Variants in CSNK1G1 observed in about 807,000 individuals in gnomAD.
CSNK1G1 encodes casein kinase 1 gamma 1.
In CSNK1G1, 22 loss-of-function variants were observed where a neutral mutation model predicts 59.6. That is an observed-to-expected ratio of 0.37 (90% CI 0.26 to 0.53). The LOEUF is 0.53. Among genes scored for constraint, CSNK1G1 ranks in the 20% least tolerant of loss-of-function variants. The probability of loss-of-function intolerance (pLI) is 0.89; values close to 1 mark genes in which losing one functional copy is unlikely to be tolerated. For missense variants in CSNK1G1, 384 were observed against 519.5 expected, an observed-to-expected ratio of 0.74 and a Z score of 2.54; for synonymous variants, 179 against 177.1, an observed-to-expected ratio of 1.01 and a Z score of -0.08.
intron 1 of CSNK1G1, among the ~76,000 whole-genome samples, chr15:64,339,441 T>C (rs899572990): frequency 2.0e-5 from 3 of 152,152 alleles, no homozygotes; most frequent in Non-Finnish European, 2.9e-5. Flanking sequence ...GCCTCCCAAG[T>C]AGCTGGGATT....
In CSNK1G1 at chr15:64,250,623, C is replaced by T. The variant is rs553051808; in HGVS notation, c.292+889G>A. 3.3e-5 allele frequency among the ~76,000 whole-genome samples: 5 copies of T among 152,136 alleles called. No individual in the cohort carries two copies. The South Asian group carries it at 6.2e-4, about 19-fold the overall frequency. Reference sequence around the variant, plus strand: ...AGCCTGGTGTGGTGGTGCATGCCTACAGTACCAGCTACTCAGGAGGCTGAG... The same window carrying T: ...AGCCTGGTGTGGTGGTGCATGCCTATAGTACCAGCTACTCAGGAGGCTGAG... On this transcript the variant is annotated intron_variant, in intron 4 of 11. Coordinates refer to ENST00000303052, the MANE Select transcript of CSNK1G1 (RefSeq NM_022048.5).
intron 10 of CSNK1G1, among the ~76,000 whole-genome samples, chr15:64,198,110 T>G (rs975503795): frequency 6.6e-6 from 1 of 152,066 alleles, no homozygotes; most frequent in Non-Finnish European, 1.5e-5. Context: ...CTGCCTTGTG[T>G]TATAGTTATC....
At chr15:64,338,426 G>A (rs778108234) in intron 1 of CSNK1G1, among the ~76,000 whole-genome samples, 6 of 152,108 alleles carry the variant, frequency 3.9e-5, no homozygotes, top group African/African-American at 1.2e-4. Context: ...TGAGCCCGGC[G>A]CGGTGGCTCA....
At chr15:64,349,125 G>A (rs887604131) in intron 1 of CSNK1G1, among the ~76,000 whole-genome samples, 10 of 135,792 alleles carry the variant, frequency 7.4e-5, no homozygotes, top group East Asian at 4.2e-4. Flanking sequence ...CAACGAGAGC[G>A]AAACTCCACC....
intron 2 of CSNK1G1, among the ~76,000 whole-genome samples, chr15:64,269,666 G>C (rs535668793): frequency 9.9e-5 from 15 of 151,828 alleles, no homozygotes; most frequent in Non-Finnish European, 1.3e-4. Context: ...GCTAATTTTT[G>C]TATTTTTAGC....
At chr15:64,256,748 TAGAAATCTA>T (rs930881878) in intron 3 of CSNK1G1, among the ~76,000 whole-genome samples, 6 of 152,144 alleles carry the variant, frequency 3.9e-5, no homozygotes, top group African/African-American at 7.2e-5. Context: ...TAAAGGTTTT[TAGAAATCTA>T]AGAAATCTAA....
intron 2 of CSNK1G1, among the ~76,000 whole-genome samples, chr15:64,284,515 T>G (rs892799551): frequency 2.0e-4 from 30 of 152,290 alleles, no homozygotes; most frequent in Middle Eastern, 3.4e-3. Context: ...GTTTTCAGAG[T>G]ATAAATTTTG....
chr15:64,319,683 T>G (rs545632020), intron 1 of CSNK1G1, among the ~76,000 whole-genome samples: 9 of 151,824 alleles, frequency 5.9e-5, no homozygotes, highest in East Asian at 2.0e-4. Flanking sequence ...TAGTTGGGAT[T>G]ACAGGCGCAT....
intron 3 of CSNK1G1, among the ~76,000 whole-genome samples, chr15:64,258,743 G>A (rs949863416): frequency 1.3e-5 from 2 of 151,940 alleles, no homozygotes; most frequent in Non-Finnish European, 1.5e-5. Flanking sequence ...TGACTTCTTT[G>A]CTTCTAATAT....
rs2082097511 is a variant in CSNK1G1 at position 64,200,853 on chromosome 15, C to A, written c.1107+2229G>T. On this transcript the variant is annotated intron_variant, in intron 10 of 11. Transcript: ENST00000303052. This position sits in a 1 kb window ranked among gnomAD's most constrained non-coding sequence, Gnocchi z 4.3. ...TGCCTTTATAGGTGGATAGGCAGAT[C>A]ATTTCTATATCTCTGCTACCAATGA... Among the ~76,000 whole-genome samples the A allele has an allele frequency of 6.6e-6, 1 of 152,182 alleles. No individual in the cohort carries two copies. Among genetic ancestry groups the A allele is most frequent in the Non-Finnish European group, 1.5e-5 (1 of 68,040 alleles).
intron 1 of CSNK1G1, among the ~76,000 whole-genome samples, chr15:64,327,060 CTG>C (rs1475907348): frequency 2.6e-5 from 4 of 151,710 alleles, no homozygotes; most frequent in Admixed American, 1.3e-4. Context: ...GCACAGCAGT[CTG>C]AGATCAAACT....
intron 4 of CSNK1G1, among the ~76,000 whole-genome samples, chr15:64,234,808 C>G (rs1233289845): frequency 6.6e-6 from 1 of 152,080 alleles, no homozygotes. Context: ...CCATGTGGTT[C>G]TGTACCCACA....
intron 2 of CSNK1G1, among the ~76,000 whole-genome samples, chr15:64,279,252 A>G: frequency 6.6e-6 from 1 of 152,204 alleles, no homozygotes; most frequent in Non-Finnish European, 1.5e-5. Context: ...TCAGCATACC[A>G]GTAGGTTTTC....
At chr15:64,317,181 C>T (rs991834433) in intron 1 of CSNK1G1, among the ~76,000 whole-genome samples, 9 of 152,294 alleles carry the variant, frequency 5.9e-5, no homozygotes, top group Middle Eastern at 3.4e-3. Flanking sequence ...CTCCGCCTCC[C>T]AGGTTCAAGC....
rs1437250200 is a variant in CSNK1G1 at position 64,171,965 on chromosome 15, C to G, written c.1235G>C (p.Arg412Thr). Residue 412 changes from arginine (R) to threonine (T), a missense_variant, in exon 12 of 12, where the codon AGG becomes ACG. By Grantham distance (71) the Arg-to-Thr change is moderately conservative (BLOSUM62 -1). This residue lies in a region of CSNK1G1 where 325 missense variants were observed against 440.9 expected (regional missense o/e 0.74). Coordinates refer to ENST00000303052, the MANE Select transcript of CSNK1G1 (RefSeq NM_022048.5). The surrounding 1 kb of genome is among the most constrained non-coding windows in gnomAD (Gnocchi z 4.8). ...GCGCTGAGCAGTCTTCTTCCTTTTCCTCTTAAAGAAACAGCAGCACCTGGA... is the reference window on the plus strand; with the variant it reads ...GCGCTGAGCAGTCTTCTTCCTTTTCGTCTTAAAGAAACAGCAGCACCTGGA... ...EEAKCCCFFK[R>T]KRKKTAQRHK is the part of the protein sequence containing the mutation. 3.1e-6 allele frequency: 5 copies of G among 1,614,008 alleles called. No individual in the cohort carries two copies. The African/African-American group carries it at 5.3e-5, about 17-fold the overall frequency.
Position 64,294,723 on chromosome 15 carries a change from C to CA in CSNK1G1, c.181+5595dup, listed in dbSNP as rs1304102659. On this transcript the variant is annotated intron_variant, in intron 2 of 11. Transcript: ENST00000303052. ...GTCAGGAGTTCAAGACCAGCCTGGC[C>CA]AACATGGTGAAACCCCGTCTCTACA... is the stretch of plus-strand genomic sequence containing the variant. 2.0e-5 allele frequency among the ~76,000 whole-genome samples: 3 copies of CA among 147,916 alleles called. No homozygotes were observed. In the East Asian group the frequency reaches 6.2e-4, roughly 31 times the overall value.
Position 64,167,672 on chromosome 15 carries a change from A to G in CSNK1G1, c.*4259T>C, listed in dbSNP as rs545158873. ...AAACGAACCTTAATATGGTTCTGAC[A>G]CTGGAGACAATGTTGTTAGGGCAAC... On this transcript the variant is annotated 3_prime_UTR_variant, in exon 12 of 12. Transcript: ENST00000303052. 9.7e-4 allele frequency: 148 copies of G among 152,682 alleles called. 1 individual carries two copies. The highest frequency in any genetic ancestry group is 1.7e-3 in the Non-Finnish European group (116 of 68,060). 9.5% of individuals were successfully genotyped at this position (152,682 alleles called of 1,614,324 possible). A position where few individuals can be genotyped will look rare whatever the true frequency, so the allele number is the denominator to read the frequency against.
chr15:64,233,519 T>C (rs930892933), intron 4 of CSNK1G1, among the ~76,000 whole-genome samples: 2 of 152,184 alleles, frequency 1.3e-5, no homozygotes, highest in East Asian at 3.8e-4. Flanking sequence ...CCCTAAAAGA[T>C]AAGCAAGTCT....
Position 64,167,406 on chromosome 15 carries a change from A to T in CSNK1G1, c.*4525T>A, listed in dbSNP as rs2081614598. On this transcript the variant is annotated 3_prime_UTR_variant, in exon 12 of 12. Coordinates refer to ENST00000303052, the MANE Select transcript of CSNK1G1 (RefSeq NM_022048.5). ...TTGATTCCTATCAACCCCTCATGGG[A>T]AAGACTAGGAGTCTCTGCCATCGAC... 6.6e-6 allele frequency: 1 copy of T among 152,666 alleles called. No individual in the cohort carries two copies. The highest frequency in any genetic ancestry group is 2.1e-4 in the South Asian group (1 of 4,836). The allele number at this position is 152,666 out of a possible 1,614,324, so 9.5% of individuals were successfully genotyped here.
Sources: gnomAD v4.1 joint callset for allele counts (sites outside exome capture counted in the v4.1 genomes callset) on GRCh38, gnomAD v4.1.1 for gene constraint, gnomAD v4.1.1 regional missense constraint, Gnocchi (gnomAD v3.1) non-coding constraint, MANE v1.5 for transcripts, NCBI Gene and HGNC (gene_info 2026-07-23, HGNC 2026-07-21) for gene names.